NLRP8: variants seen among roughly 807,000 people sequenced by gnomAD.
NLRP8 encodes NACHT, LRR and PYD domains-containing protein 8.
In NLRP8, 86 loss-of-function variants were observed where a neutral mutation model predicts 88.7. The observed-to-expected ratio is 0.97, with a 90% CI of 0.81 to 1.16. NLRP8 has a LOEUF of 1.16. NLRP8 is among the 50% of genes most tolerant of loss of function. The pLI is 0.00. For synonymous variants in NLRP8, 504 were observed against 494.6 expected (o/e 1.02, Z -0.25); for missense variants, 1,342 against 1,286.5 (o/e 1.04, Z -0.66).
intron 1 of NLRP8, among the ~76,000 whole-genome samples, chr19:55,949,381 G>A (rs767512156): frequency 1.3e-5 from 2 of 151,936 alleles, no homozygotes; most frequent in Non-Finnish European, 2.9e-5. Context: ...GGGATTACAG[G>A]TGCGCACCAC....
At chr19:55,951,944 G>A (rs1979113558) in intron 1 of NLRP8, among the ~76,000 whole-genome samples, 1 of 151,748 alleles carries the variant, frequency 6.6e-6, no homozygotes, top group Admixed American at 6.6e-5. Flanking sequence ...TAGAGTTGAG[G>A]TCTTGCTATG....
chr19:55,967,918 A>C (rs1176856566), intron 5 of NLRP8, among the ~76,000 whole-genome samples: 1 of 152,182 alleles, frequency 6.6e-6, no homozygotes, highest in Non-Finnish European at 1.5e-5. Context: ...GGTGCAGCAA[A>C]CTTTTTCTAT....
chr19:55,986,554 G>A (rs1333573951), intron 9 of NLRP8, among the ~76,000 whole-genome samples: 2 of 152,142 alleles, frequency 1.3e-5, no homozygotes, highest in African/African-American at 4.8e-5. Flanking sequence ...GCATCCGGGC[G>A]CCCTCAGCAC....
chr19:55,951,238 C>A (rs1376001218), intron 1 of NLRP8, among the ~76,000 whole-genome samples: 2 of 152,138 alleles, frequency 1.3e-5, no homozygotes, highest in Admixed American at 6.5e-5. Context: ...GTGTGGTTGA[C>A]CACGAGCTCA....
intron 5 of NLRP8, among the ~76,000 whole-genome samples, chr19:55,967,058 C>T (rs983837477): frequency 6.6e-6 from 1 of 152,106 alleles, no homozygotes; most frequent in African/African-American, 2.4e-5. Flanking sequence ...AAACATTTAT[C>T]CTTTGTATTA....
At chr19:55,957,687 A>AT (rs1979433887) in intron 3 of NLRP8, among the ~76,000 whole-genome samples, 1 of 8,642 alleles carries the variant, frequency 1.2e-4, no homozygotes, top group African/African-American at 2.2e-4. Context: ...ATATATATAT[A>AT]TATATATATA....
chr19:55,957,796 T>C (rs1979445902), intron 3 of NLRP8, among the ~76,000 whole-genome samples: 1 of 150,036 alleles, frequency 6.7e-6, no homozygotes, highest in Non-Finnish European at 1.5e-5. Context: ...TAGTGCTCAG[T>C]AGATACAAAC....
intron 1 of NLRP8, among the ~76,000 whole-genome samples, chr19:55,950,298 A>T (rs1038487737): frequency 8.6e-5 from 13 of 150,904 alleles, no homozygotes; most frequent in African/African-American, 3.2e-4. Flanking sequence ...GGGTGCCTGT[A>T]ATCCCAGCTA....
At chr19:55,957,671 AATTATATATATATAT>A (rs1327389325) in intron 3 of NLRP8, among the ~76,000 whole-genome samples, 17 of 55,360 alleles carry the variant, frequency 3.1e-4, no homozygotes, top group African/African-American at 1.2e-3. Flanking sequence ...AAAAAATAAT[AATTATATATATATAT>A]ATATATATAT....
intron 8 of NLRP8, 116 bp from the exon 9 acceptor site, chr19:55,979,278 C>T: frequency 4.4e-6 from 5 of 1,146,810 alleles, no homozygotes; most frequent in Non-Finnish European, 5.1e-6. Flanking sequence ...ATAGTTGGAA[C>T]AACATTACAC....
rs1196926547 is a variant in NLRP8 at position 55,948,167 on chromosome 19, A to T, written c.265A>T (p.Ile89Leu). 1 of 1,614,010 alleles carries T rather than the reference A, an allele frequency of 6.2e-7. No individual in the cohort carries two copies. Among genetic ancestry groups the T allele is most frequent in the Non-Finnish European group, 8.5e-7 (1 of 1,180,040 alleles). ...CTGGGCAGAGGTGGTTCATCTCTTG[A>T]TAGAGCGTTTCCCTGGACGACGCGC... The change falls in exon 1 of 10, where the codon ATA (isoleucine) becomes TTA (leucine). Residue 89 changes from isoleucine (I) to leucine (L), a missense_variant. Ile to Leu is a conservative substitution (Grantham distance 5). Coordinates refer to ENST00000291971, the MANE Select transcript of NLRP8 (RefSeq NM_176811.2).
intron 9 of NLRP8, among the ~76,000 whole-genome samples, chr19:55,979,921 A>C (rs113124823): frequency 6.6e-6 from 1 of 152,176 alleles, no homozygotes; most frequent in African/African-American, 2.4e-5. Context: ...CCTGTCTCTT[A>C]AAATAGAAAG....
intron 3 of NLRP8, 96 bp from the exon 4 acceptor site, chr19:55,961,971 C>A: frequency 8.0e-7 from 1 of 1,255,052 alleles, no homozygotes; most frequent in Non-Finnish European, 1.1e-6. Context: ...AGGCCTATGG[C>A]CCTAACCAGG....
chr19:55,961,184 G>A (rs971951888), intron 3 of NLRP8, among the ~76,000 whole-genome samples: 1 of 151,910 alleles, frequency 6.6e-6, no homozygotes, highest in Non-Finnish European at 1.5e-5. Context: ...ATTACAATGT[G>A]AGCCACCGTG....
At chr19:55,983,076 G>T (rs1175400165) in intron 9 of NLRP8, among the ~76,000 whole-genome samples, 1 of 152,194 alleles carries the variant, frequency 6.6e-6, no homozygotes, top group Non-Finnish European at 1.5e-5. Context: ...TGACAGTCGT[G>T]AGACCTTGGT....
chr19:55,974,529 A>G (rs1980220126), intron 7 of NLRP8, among the ~76,000 whole-genome samples: 1 of 151,996 alleles, frequency 6.6e-6, no homozygotes, highest in Non-Finnish European at 1.5e-5. Context: ...CGGGAGGATC[A>G]CGAGGTCAGG....
In NLRP8 at chr19:55,987,238, C is replaced by T. The variant is rs148328180; in HGVS notation, c.3048-576C>T. The stretch of plus-strand genomic sequence containing the variant: ...TACAAAAATGAGCTGGGCGTGGTGG[C>T]ATGTGCCTATAATCCCACCTTCTAG... On this transcript the variant is annotated intron_variant, in intron 9 of 9. Coordinates refer to ENST00000291971, the MANE Select transcript of NLRP8 (RefSeq NM_176811.2). Among the ~76,000 whole-genome samples, 1,056 of 152,308 alleles carry T rather than the reference C, an allele frequency of 6.9e-3. 9 individuals are homozygous for T. Among genetic ancestry groups the T allele is most frequent in the Non-Finnish European group, 0.012 (825 of 68,028 alleles).
In NLRP8 at chr19:55,952,530, T is replaced by C; in HGVS notation, c.368-8T>C. 6.2e-7 allele frequency: 1 copy of C among 1,612,856 alleles called. No individual in the cohort carries two copies. The highest frequency in any genetic ancestry group is 8.5e-7 in the Non-Finnish European group (1 of 1,178,948). Reference sequence around the variant, plus strand: ...TCCCGTGGAACAGCCTCCTTTTTTCTGTTACAGCCATTCTGCCTACCTTGG... The same window carrying C: ...TCCCGTGGAACAGCCTCCTTTTTTCCGTTACAGCCATTCTGCCTACCTTGG... On this transcript the variant is annotated splice_region_variant and splice_polypyrimidine_tract_variant and intron_variant, in intron 1 of 9. Transcript: ENST00000291971.
rs780725727 is a variant in NLRP8, at chr19:55,966,394, G to A, written c.2381+14G>A. 8.7e-6 allele frequency: 14 copies of A among 1,612,006 alleles called. No homozygotes were observed. The highest frequency in any genetic ancestry group is 7.7e-5 in the South Asian group (7 of 90,794). On this transcript the variant is annotated intron_variant, in intron 5 of 9. Coordinates refer to ENST00000291971, the MANE Select transcript of NLRP8 (RefSeq NM_176811.2). ...GCAGTGTCTCAGGTGAGATTTGAGA[G>A]GGGGGTTAGAGTGGGAACCGGGGTA... is the stretch of plus-strand genomic sequence containing the variant.
Sources: allele counts gnomAD v4.1 joint callset (sites outside exome capture counted in the v4.1 genomes callset), GRCh38; gene constraint gnomAD v4.1.1; transcripts MANE v1.5; gene names NCBI Gene and HGNC (gene_info 2026-07-23, HGNC 2026-07-21).